DCHS2: variants seen among roughly 807,000 people sequenced by gnomAD.
The protein encoded by DCHS2 is protocadherin-23.
DCHS2 carries 142 observed loss-of-function variants against 182.4 expected under a neutral mutation model. The observed-to-expected ratio is 0.78, with a 90% CI of 0.68 to 0.89. The LOEUF is 0.89. Ranked by LOEUF, DCHS2 falls within the 40% of genes least tolerant of loss-of-function variation. The probability of loss-of-function intolerance (pLI) is 0.00; values close to 1 mark genes in which losing one functional copy is unlikely to be tolerated. For missense variants in DCHS2, 4,319 were observed against 4,198.6 expected, an observed-to-expected ratio of 1.03 and a Z score of -0.79; for synonymous variants, 1,740 against 1,663.3, an observed-to-expected ratio of 1.05 and a Z score of -1.12.
Position 154,273,145 on chromosome 4 carries a change from A to G in DCHS2, c.6464-3132T>C, listed in dbSNP as rs79849485. The stretch of plus-strand genomic sequence containing the variant: ...CATTATACAAAAAAGATACCTGTGT[A>G]TGCGTGTTTAGGGCAGCACAATTCA... On this transcript the variant is annotated intron_variant, in intron 13 of 19. Transcript: ENST00000357232. Among the ~76,000 whole-genome samples the G allele has an allele frequency of 5.1e-3, 781 of 152,268 alleles. 11 individuals are homozygous for G. The highest frequency in any genetic ancestry group is 0.018 in the African/African-American group (731 of 41,554).
intron 16 of DCHS2, 117 bp downstream of exon 16, chr4:154,255,402 A>G: frequency 7.5e-7 from 1 of 1,335,024 alleles, no homozygotes. Flanking sequence ...AAGTTGGATC[A>G]AAGGGATAAC....
chr4:154,298,310 G>A lies in DCHS2; in HGVS notation c.6004C>T (p.Gln2002Ter). Residue 2002 changes from glutamine (Q) to a stop codon, truncating the protein, a stop_gained, in exon 13 of 20, where the codon CAG becomes TAG. Coordinates refer to ENST00000357232, the MANE Select transcript of DCHS2 (RefSeq NM_001358235.2). LOFTEE classifies it high-confidence loss of function. ...SNTLDREARS[Q>*]HTFSAVARDC... ...CTGGCCACAGCACTAAATGTATGCT[G>A]AGATCTGGCTTCACGGTCGAGGGTG... 1 of 1,614,180 alleles carries A rather than the reference G, an allele frequency of 6.2e-7. No homozygotes were observed. Among genetic ancestry groups the A allele is most frequent in the South Asian group, 1.1e-5 (1 of 91,080 alleles).
Position 154,304,755 on chromosome 4 carries a change from T to G in DCHS2, c.5519A>C (p.Glu1840Ala). Residue 1840 changes from glutamate (E) to alanine (A), a missense_variant, in exon 12 of 20, where the codon GAA becomes GCA. Glu to Ala is a moderately radical substitution (Grantham distance 107). Coordinates refer to ENST00000357232, the MANE Select transcript of DCHS2 (RefSeq NM_001358235.2). The part of the protein sequence containing the change: ...IVSSYDIEVL[E>A]NQEPEVVYTV... ...ATAGACAACCTCTGGTTCCTGGTTTTCCAGAACCTCAATGTCATAACTGGA... is the reference window on the plus strand; with the variant it reads ...ATAGACAACCTCTGGTTCCTGGTTTGCCAGAACCTCAATGTCATAACTGGA... 1 of 1,614,070 alleles carries G rather than the reference T, an allele frequency of 6.2e-7. No individual in the cohort carries two copies. The highest frequency in any genetic ancestry group is 8.5e-7 in the Non-Finnish European group (1 of 1,179,986).
intron 3 of DCHS2, among the ~76,000 whole-genome samples, chr4:154,356,740 T>G (rs1170168099): frequency 6.6e-6 from 1 of 152,162 alleles, no homozygotes; most frequent in Admixed American, 6.6e-5. Context: ...AGCCTAGGTG[T>G]GTACTGGGCT....
chr4:154,481,810 A>G (rs892373323), intron 1 of DCHS2, among the ~76,000 whole-genome samples: 2 of 152,110 alleles, frequency 1.3e-5, no homozygotes, highest in Non-Finnish European at 2.9e-5. Context: ...ATTAAGTAAC[A>G]GAGCTGAAAT....
intron 1 of DCHS2, among the ~76,000 whole-genome samples, chr4:154,426,786 T>TAAAAATAAAAATAAAAATAAAAA (rs372748862): frequency 0.023 from 3,391 of 148,008 alleles, 86 homozygotes; most frequent in Non-Finnish European, 0.035. Flanking sequence ...AAAAATAAAC[T>TAAAAATAAAAATAAAAATAAAAA]TAAAAATAAA....
At chr4:154,292,368 T>G (rs1374048303) in intron 13 of DCHS2, among the ~76,000 whole-genome samples, 1 of 152,224 alleles carries the variant, frequency 6.6e-6, no homozygotes, top group Non-Finnish European at 1.5e-5. Flanking sequence ...CACTCTGCAC[T>G]TCACTATATT....
At chr4:154,484,005 G>A (rs766296664) in intron 1 of DCHS2, among the ~76,000 whole-genome samples, 104 of 152,164 alleles carry the variant, frequency 6.8e-4, no homozygotes, top group Middle Eastern at 3.4e-3. Flanking sequence ...TATACTACTG[G>A]CCGTTAATTC....
intron 13 of DCHS2, among the ~76,000 whole-genome samples, chr4:154,280,828 C>CTT (rs547237868): frequency 1.8e-4 from 25 of 139,998 alleles, no homozygotes; most frequent in African/African-American, 6.0e-4. Flanking sequence ...ATGCTCACTT[C>CTT]TTTTTTTTTT....
At chr4:154,339,785 A>G (rs1420140731) in intron 3 of DCHS2, among the ~76,000 whole-genome samples, 1 of 152,208 alleles carries the variant, frequency 6.6e-6, no homozygotes, top group African/African-American at 2.4e-5. Context: ...TATTTAATGT[A>G]AAAGAAAAAT....
chr4:154,315,217 T>A (rs903241038), intron 10 of DCHS2, among the ~76,000 whole-genome samples: 2 of 152,188 alleles, frequency 1.3e-5, no homozygotes, highest in Admixed American at 6.5e-5. Flanking sequence ...TAACAAACTA[T>A]AATTTAGGCT....
intron 5 of DCHS2, among the ~76,000 whole-genome samples, chr4:154,331,002 C>T (rs981941699): frequency 6.6e-6 from 1 of 151,986 alleles, no homozygotes. Flanking sequence ...TGGGGATGGG[C>T]GACACCAGGA....
At chr4:154,441,610 C>G (rs1473542532) in intron 1 of DCHS2, among the ~76,000 whole-genome samples, 2 of 123,128 alleles carry the variant, frequency 1.6e-5, no homozygotes, top group Admixed American at 2.0e-4. Flanking sequence ...TGTACCAGAA[C>G]ATTCTTTCCC....
chr4:154,441,007 CTT>C (rs1278216715), intron 1 of DCHS2, among the ~76,000 whole-genome samples: 1 of 152,210 alleles, frequency 6.6e-6, no homozygotes, highest in African/African-American at 2.4e-5. Context: ...TATGACGTCT[CTT>C]TGAACTTTGC....
chr4:154,389,749 C>T (rs1303145700), intron 1 of DCHS2, among the ~76,000 whole-genome samples: 1 of 151,822 alleles, frequency 6.6e-6, no homozygotes, highest in African/African-American at 2.4e-5. Flanking sequence ...ACCCCCACCC[C>T]TCCTCGAAAA....
At chr4:154,406,553 G>C (rs1347956505) in intron 1 of DCHS2, among the ~76,000 whole-genome samples, 1 of 152,176 alleles carries the variant, frequency 6.6e-6, no homozygotes, top group African/African-American at 2.4e-5. Flanking sequence ...AAGTGCAAAT[G>C]ATATAGCTCT....
Position 154,277,138 on chromosome 4 carries a change from G to T in DCHS2, c.6464-7125C>A, listed in dbSNP as rs1290289689. Among the ~76,000 whole-genome samples the T allele has an allele frequency of 2.0e-5, 3 of 152,214 alleles. 1 individual carries two copies. The highest frequency in any genetic ancestry group is 7.2e-5 in the African/African-American group (3 of 41,552). On this transcript the variant is annotated intron_variant, in intron 13 of 19. Transcript: ENST00000357232. ...GGCCATCAGCAAGATTGTTTCTTTT[G>T]TTGGCATAGCTTTTTCTTTTCTTAC...
intron 12 of DCHS2, among the ~76,000 whole-genome samples, chr4:154,302,869 A>G (rs965370127): frequency 6.8e-6 from 1 of 147,960 alleles, no homozygotes; most frequent in African/African-American, 2.5e-5. Context: ...ATACGTGTAT[A>G]TATACACACA....
rs1228463491 is a variant in DCHS2 at position 154,490,448 on chromosome 4, G to C, written c.908C>G (p.Ala303Gly). 3 of 1,535,514 alleles carry C rather than the reference G, an allele frequency of 2.0e-6. No individual in the cohort carries two copies. In the Admixed American group the frequency reaches 5.9e-5, roughly 30 times the overall value. The change falls in exon 1 of 20, where the codon GCC becomes GGC. Residue 303 changes from alanine to glycine, a missense_variant. Transcript: ENST00000357232. ...PPVFEQDEYR[A>G]AVREDAQPGA... ...CGGCTGGGCGTCCTCGCGCACCGCG[G>C]CGCGGTACTCGTCCTGCTCAAAGAC...
Sources: allele counts gnomAD v4.1 joint callset (sites outside exome capture counted in the v4.1 genomes callset), GRCh38; gene constraint gnomAD v4.1.1; transcripts MANE v1.5; gene names NCBI Gene and HGNC (gene_info 2026-07-23, HGNC 2026-07-21).